EFNA5: variants seen among roughly 807,000 people sequenced by gnomAD.
EFNA5 encodes the protein ephrin-A5.
Under a neutral mutation model 22.9 loss-of-function variants are expected in EFNA5, and 5 were observed. The observed-to-expected ratio is 0.22, with a 90% confidence interval of 0.11 to 0.46. EFNA5 has a LOEUF of 0.46. Ranked by LOEUF, EFNA5 falls within the 20% of genes least tolerant of loss-of-function variation. The probability of loss-of-function intolerance (pLI) is 0.99; values close to 1 mark genes in which losing one functional copy is unlikely to be tolerated. For missense variants in EFNA5, 237 were observed against 293.3 expected, an observed-to-expected ratio of 0.81 and a Z score of 1.40; for synonymous variants, 113 against 112.2, an observed-to-expected ratio of 1.01 and a Z score of -0.04.
chr5:107,663,338 C>T (rs112737854), intron 1 of EFNA5, among the ~76,000 whole-genome samples: 1 of 152,114 alleles, frequency 6.6e-6, no homozygotes, highest in Admixed American at 6.5e-5. Context: ...GTGTTTCCAA[C>T]ATGGTAATCC....
At chr5:107,517,039 G>A (rs142343126) in intron 1 of EFNA5, among the ~76,000 whole-genome samples, 12 of 151,860 alleles carry the variant, frequency 7.9e-5, no homozygotes, top group African/African-American at 2.4e-4. Context: ...GAATACACAC[G>A]TCATAAAATT....
intron 1 of EFNA5, among the ~76,000 whole-genome samples, chr5:107,502,014 C>A (rs1414329606): frequency 1.3e-5 from 2 of 152,210 alleles, no homozygotes; most frequent in Non-Finnish European, 2.9e-5. Flanking sequence ...AATACCCCAT[C>A]TGATGGGTTT....
chr5:107,399,256 C>T, intron 2 of EFNA5, among the ~76,000 whole-genome samples: 1 of 151,248 alleles, frequency 6.6e-6, no homozygotes, highest in East Asian at 1.9e-4. Context: ...AGTTTGAGAC[C>T]AGCCTGGCCA....
intron 1 of EFNA5, among the ~76,000 whole-genome samples, chr5:107,618,565 AT>A (rs1749971634): frequency 6.6e-6 from 1 of 152,242 alleles, no homozygotes; most frequent in Admixed American, 6.5e-5. Context: ...GAAATGTCAG[AT>A]TTGGCGATGA....
At chr5:107,628,350 C>T (rs1304939678) in intron 1 of EFNA5, among the ~76,000 whole-genome samples, 4 of 152,118 alleles carry the variant, frequency 2.6e-5, no homozygotes, top group Non-Finnish European at 5.9e-5. Flanking sequence ...TATTAAGTTA[C>T]ACATATTGTA....
At chr5:107,661,869 CAACCTAACTATGCCAT>C (rs912720199) in intron 1 of EFNA5, among the ~76,000 whole-genome samples, 1 of 152,106 alleles carries the variant, frequency 6.6e-6, no homozygotes, top group Non-Finnish European at 1.5e-5. Flanking sequence ...TATAATTATC[CAACCTAACTATGCCAT>C]AACCTCATTT....
intron 1 of EFNA5, 106 bp from the exon 2 acceptor site, chr5:107,427,615 T>C (rs1580444678): frequency 9.9e-7 from 1 of 1,010,606 alleles, no homozygotes; most frequent in Non-Finnish European, 1.4e-6. Context: ...GCATCTAGTA[T>C]AGTAAGTTCT....
chr5:107,670,209 G>C (rs62357862), intron 1 of EFNA5, among the ~76,000 whole-genome samples: 1 of 151,968 alleles, frequency 6.6e-6, no homozygotes, highest in African/African-American at 2.4e-5. Flanking sequence ...CCTACTCCCC[G>C]GCTCCCGCCC....
intron 1 of EFNA5, among the ~76,000 whole-genome samples, chr5:107,551,804 C>A (rs1357813186): frequency 1.1e-4 from 17 of 152,020 alleles, no homozygotes. Context: ...TGTAAAATTT[C>A]CCTACAAAAT....
intron 1 of EFNA5, among the ~76,000 whole-genome samples, chr5:107,626,116 A>G (rs1750136095): frequency 6.6e-6 from 1 of 152,216 alleles, no homozygotes; most frequent in Admixed American, 6.5e-5. Context: ...CACTGGCTGC[A>G]CCTAGGTACT....
chr5:107,498,172 T>A (rs1747036696), intron 1 of EFNA5, among the ~76,000 whole-genome samples: 1 of 152,184 alleles, frequency 6.6e-6, no homozygotes, highest in Non-Finnish European at 1.5e-5. Context: ...TTTCTCGGCC[T>A]CCCAAAGTGC....
chr5:107,630,600 A>C (rs1283739521), intron 1 of EFNA5, among the ~76,000 whole-genome samples: 1 of 152,128 alleles, frequency 6.6e-6, no homozygotes, highest in Non-Finnish European at 1.5e-5. Context: ...GTGGTGACTG[A>C]ATATGAAGAC....
chr5:107,655,272 C>T (rs1017425978), intron 1 of EFNA5, among the ~76,000 whole-genome samples: 4 of 152,104 alleles, frequency 2.6e-5, no homozygotes, highest in African/African-American at 9.7e-5. Context: ...GAAATAAACT[C>T]ATAGCAAGCT....
chr5:107,577,863 A>C lies in EFNA5; in HGVS notation c.125+92626T>G, dbSNP rs559751314. On this transcript the variant is annotated intron_variant, in intron 1 of 4. Coordinates refer to ENST00000333274, the MANE Select transcript of EFNA5 (RefSeq NM_001962.3). ...AGCAAGCATATTGTCTGCCATCCAC[A>C]GGAGGGATAAACCTTTTTTGGAGCG... is the stretch of plus-strand genomic sequence containing the variant. 2.6e-5 allele frequency among the ~76,000 whole-genome samples: 4 copies of C among 152,318 alleles called. No homozygotes were observed. In the East Asian group the frequency reaches 7.7e-4, roughly 29 times the overall value.
intron 2 of EFNA5, among the ~76,000 whole-genome samples, chr5:107,403,097 G>C (rs921182799): frequency 6.6e-6 from 1 of 152,146 alleles, no homozygotes; most frequent in Non-Finnish European, 1.5e-5. Context: ...CTCAAGATGC[G>C]CATGACATGT....
At chr5:107,520,055 C>T (rs1747562025) in intron 1 of EFNA5, among the ~76,000 whole-genome samples, 1 of 152,196 alleles carries the variant, frequency 6.6e-6, no homozygotes, top group African/African-American at 2.4e-5. Context: ...CATCTCAGGG[C>T]TTACGGGGAC....
chr5:107,531,905 G>A (rs1459377649), intron 1 of EFNA5, among the ~76,000 whole-genome samples: 1 of 152,198 alleles, frequency 6.6e-6, no homozygotes, highest in African/African-American at 2.4e-5. Context: ...GTGAATTACT[G>A]AGTTCTACAA....
At chr5:107,452,850 A>G (rs1305583249) in intron 1 of EFNA5, among the ~76,000 whole-genome samples, 1 of 152,222 alleles carries the variant, frequency 6.6e-6, no homozygotes, top group Non-Finnish European at 1.5e-5. Flanking sequence ...GAAAACTCAT[A>G]TATGTACAGA....
intron 2 of EFNA5, among the ~76,000 whole-genome samples, chr5:107,403,190 AT>A (rs1748129127): frequency 6.6e-6 from 1 of 152,202 alleles, no homozygotes; most frequent in Non-Finnish European, 1.5e-5. Context: ...AGTGTTTACT[AT>A]ACCCAAAAGA....
Sources: gnomAD v4.1 joint callset for allele counts (sites outside exome capture counted in the v4.1 genomes callset) on GRCh38, gnomAD v4.1.1 for gene constraint, MANE v1.5 for transcripts, NCBI Gene and HGNC (gene_info 2026-07-23, HGNC 2026-07-21) for gene names.